SYT1: variants seen among roughly 807,000 people sequenced by gnomAD.
SYT1 encodes synaptotagmin-1.
A neutral mutation model predicts 44.8 loss-of-function variants in SYT1; 8 were observed. The observed-to-expected ratio is 0.18, with a 90% CI of 0.10 to 0.32. The LOEUF (loss-of-function observed/expected upper bound fraction) is 0.32, where lower values mean the gene tolerates loss of function less well. SYT1 is among the 10% of genes least tolerant of loss of function. SYT1 has a pLI of 1.00. For synonymous variants in SYT1, 154 were observed against 188.8 expected (o/e 0.82, Z 1.51); for missense variants, 286 against 509.3 (o/e 0.56, Z 4.22).
chr12:78,901,703 C>G (rs1374288394), intron 1 of SYT1, among the ~76,000 whole-genome samples: 1 of 152,070 alleles, frequency 6.6e-6, no homozygotes, highest in East Asian at 1.9e-4. Flanking sequence ...TGATCATAGA[C>G]CAATCCAATT....
At chr12:79,081,963 T>C (rs1877065631) in intron 3 of SYT1, among the ~76,000 whole-genome samples, 1 of 152,040 alleles carries the variant, frequency 6.6e-6, no homozygotes, top group Non-Finnish European at 1.5e-5. Context: ...AATACAAAAA[T>C]ATATAGAAAA....
At chr12:78,881,115 T>C (rs1163937234) in intron 1 of SYT1, among the ~76,000 whole-genome samples, 2 of 151,558 alleles carry the variant, frequency 1.3e-5, no homozygotes, top group African/African-American at 4.8e-5. Context: ...TTCCTCAAAA[T>C]TAGAAAACAA....
chr12:79,370,910 A>G (rs2136048498), intron 9 of SYT1, among the ~76,000 whole-genome samples: 1 of 152,306 alleles, frequency 6.6e-6, no homozygotes, highest in East Asian at 1.9e-4. Flanking sequence ...CTAAAAGATC[A>G]TGCCCAGCCT....
intron 3 of SYT1, among the ~76,000 whole-genome samples, chr12:79,129,457 T>C (rs1425827333): frequency 6.6e-6 from 1 of 152,192 alleles, no homozygotes; most frequent in Non-Finnish European, 1.5e-5. Flanking sequence ...ACAGTCAAGC[T>C]GATAAAAGTT....
intron 4 of SYT1, among the ~76,000 whole-genome samples, chr12:79,253,767 G>A (rs918334503): frequency 6.6e-6 from 1 of 152,074 alleles, no homozygotes; most frequent in African/African-American, 2.4e-5. Flanking sequence ...GTTCTTGAAG[G>A]AAAAGTGCTA....
intron 9 of SYT1, among the ~76,000 whole-genome samples, chr12:79,409,840 A>C (rs1352355054): frequency 6.6e-6 from 1 of 152,104 alleles, no homozygotes; most frequent in Admixed American, 6.6e-5. Flanking sequence ...CAAGGAAAGA[A>C]TCCTACAGAG....
At chr12:79,190,539 C>T (rs986925777) in intron 3 of SYT1, among the ~76,000 whole-genome samples, 4 of 152,102 alleles carry the variant, frequency 2.6e-5, no homozygotes, top group African/African-American at 9.7e-5. Flanking sequence ...CGATACATTG[C>T]AATCTCCATG....
chr12:79,037,546 G>T (rs1180711027), intron 2 of SYT1, among the ~76,000 whole-genome samples: 1 of 151,698 alleles, frequency 6.6e-6, no homozygotes, highest in Admixed American at 6.6e-5. Flanking sequence ...CTAAACATTT[G>T]TTCTGTCATA....
At chr12:79,312,021 TAATAA>T (rs1047802570) in intron 8 of SYT1, among the ~76,000 whole-genome samples, 3 of 151,646 alleles carry the variant, frequency 2.0e-5, no homozygotes, top group Non-Finnish European at 4.4e-5. Context: ...AGTGTAATAA[TAATAA>T]AATAAAAAAT....
chr12:79,179,141 GAT>G (rs1470109054), intron 3 of SYT1, among the ~76,000 whole-genome samples: 1 of 115,856 alleles, frequency 8.6e-6, no homozygotes, highest in African/African-American at 3.6e-5. Context: ...TATAGATATA[GAT>G]ATAGATATAT....
At chr12:79,445,973 A>C (rs1189163214) in intron 10 of SYT1, among the ~76,000 whole-genome samples, 1 of 133,278 alleles carries the variant, frequency 7.5e-6, no homozygotes, top group Non-Finnish European at 1.6e-5. Flanking sequence ...TTCTTCATGG[A>C]AACATTAATC....
intron 2 of SYT1, among the ~76,000 whole-genome samples, chr12:79,031,560 T>C (rs533693501): frequency 6.6e-6 from 1 of 151,278 alleles, no homozygotes; most frequent in South Asian, 2.1e-4. Context: ...ATCCATCCGC[T>C]CTTACTTCCT....
intron 9 of SYT1, among the ~76,000 whole-genome samples, chr12:79,427,679 G>C (rs1034019176): frequency 1.3e-5 from 2 of 152,156 alleles, no homozygotes; most frequent in African/African-American, 4.8e-5. Flanking sequence ...TTGGAGCTGA[G>C]CTTAATTGAA....
chr12:79,347,484 C>CAGA (rs1350084554), intron 8 of SYT1, among the ~76,000 whole-genome samples: 1 of 152,186 alleles, frequency 6.6e-6, no homozygotes, highest in Non-Finnish European at 1.5e-5. Context: ...AACTGTATCA[C>CAGA]AGCCCAACTT....
intron 3 of SYT1, among the ~76,000 whole-genome samples, chr12:79,118,133 T>C (rs1316463277): frequency 6.6e-6 from 1 of 151,720 alleles, no homozygotes; most frequent in Non-Finnish European, 1.5e-5. Flanking sequence ...ATCTAGCCTG[T>C]TGTTTGACAA....
chr12:78,929,446 A>AAAAAAAAAAAG lies in SYT1; in HGVS notation c.-216-48353_-216-48352insAAAAAAAAAAG, dbSNP rs373264605. ...AAAAAAAAAAAAAAAAAAAAAAAAA[A>AAAAAAAAAAAG]GGTTATTAGCAGCAATTAGTTTTAT... On this transcript the variant is annotated intron_variant, in intron 1 of 10. Coordinates refer to ENST00000261205, the MANE Select transcript of SYT1 (RefSeq NM_005639.3). Among the ~76,000 whole-genome samples, 589 of 128,540 alleles carry AAAAAAAAAAAG rather than the reference A, an allele frequency of 4.6e-3. 104 individuals carry two copies. Among genetic ancestry groups the AAAAAAAAAAAG allele is most frequent in the African/African-American group, 0.022 (567 of 25,858 alleles). The allele number at this position is 128,540 out of a possible 152,430, so 84.3% of individuals were successfully genotyped here.
At chr12:78,961,159 G>A (rs945089565) in intron 1 of SYT1, among the ~76,000 whole-genome samples, 33 of 151,860 alleles carry the variant, frequency 2.2e-4, no homozygotes, top group African/African-American at 7.7e-4. Flanking sequence ...GCAGCCTGGA[G>A]TGCAGTAGTG....
chr12:78,958,711 A>AC (rs1405889493), intron 1 of SYT1, among the ~76,000 whole-genome samples: 4 of 151,902 alleles, frequency 2.6e-5, no homozygotes, highest in African/African-American at 9.7e-5. Context: ...AAAAAAAAAA[A>AC]ACTATGCATT....
intron 3 of SYT1, among the ~76,000 whole-genome samples, chr12:79,153,738 T>C (rs1447299033): frequency 2.6e-5 from 4 of 152,136 alleles, no homozygotes; most frequent in African/African-American, 9.6e-5. Context: ...TCAGAAAATT[T>C]GAAAGTTCAT....
Sources: gnomAD v4.1 joint callset for allele counts (sites outside exome capture counted in the v4.1 genomes callset) on GRCh38, gnomAD v4.1.1 for gene constraint, MANE v1.5 for transcripts, NCBI Gene and HGNC (gene_info 2026-07-23, HGNC 2026-07-21) for gene names.